Variants in TENM4 observed in about 807,000 individuals in gnomAD.
TENM4 encodes the protein teneurin transmembrane protein 4.
Under a neutral mutation model 243.3 loss-of-function variants are expected in TENM4, and 82 were observed. The observed-to-expected ratio is 0.34, with a 90% confidence interval of 0.28 to 0.40. The LOEUF is 0.40. TENM4 is among the 10% of genes least tolerant of loss of function. The pLI is 1.00. For missense variants in TENM4, 3,138 were observed against 3,673.3 expected (o/e 0.85, Z 3.77); for synonymous variants, 1,412 against 1,456.3 (o/e 0.97, Z 0.69).
chr11:79,425,966 G>A (rs1229181456), intron 1 of TENM4, among the ~76,000 whole-genome samples: 3 of 152,198 alleles, frequency 2.0e-5, no homozygotes, highest in South Asian at 2.1e-4. Context: ...ACACACCTGT[G>A]CACAAACATG....
At chr11:78,909,035 A>C (rs1170673490) in intron 6 of TENM4, among the ~76,000 whole-genome samples, 1 of 152,218 alleles carries the variant, frequency 6.6e-6, no homozygotes, top group African/African-American at 2.4e-5. Flanking sequence ...ATTCACCTCT[A>C]TGAGCCTCTA....
chr11:78,725,033 C>T (rs672378), intron 23 of TENM4, among the ~76,000 whole-genome samples: 16,929 of 152,194 alleles, frequency 0.11, 1,028 homozygotes, highest in African/African-American at 0.16. Context: ...ACTTTATTTC[C>T]AATTCAGTTA....
chr11:78,902,276 C>T (rs1415681236), intron 7 of TENM4, among the ~76,000 whole-genome samples: 4 of 152,154 alleles, frequency 2.6e-5, no homozygotes, highest in Non-Finnish European at 4.4e-5. Context: ...TCATAGTTTT[C>T]TGCATTTTCT....
intron 12 of TENM4, among the ~76,000 whole-genome samples, chr11:78,822,909 T>G (rs1419165485): frequency 1.3e-5 from 2 of 152,222 alleles, no homozygotes; most frequent in Non-Finnish European, 2.9e-5. Flanking sequence ...CTACCTTAAC[T>G]TTTTAACCCT....
chr11:79,399,603 C>T (rs1441669097), intron 1 of TENM4, among the ~76,000 whole-genome samples: 1 of 152,146 alleles, frequency 6.6e-6, no homozygotes, highest in South Asian at 2.1e-4. Flanking sequence ...TAACAGGCAT[C>T]GAGTCTTGCT....
At chr11:79,045,231 G>A (rs1472637669) in intron 6 of TENM4, among the ~76,000 whole-genome samples, 13 of 152,254 alleles carry the variant, frequency 8.5e-5, no homozygotes, top group South Asian at 2.1e-4. Context: ...TGTCCACTGC[G>A]TGCTCCTCTC....
Position 78,658,799 on chromosome 11 carries a change from C to A in TENM4, c.7569G>T (p.Gln2523His), listed in dbSNP as rs755744059. ...CCTTGAGCTGCTTCTGTACTTCACA[C>A]TGTACCCCGAGGATAGACTGATGGG... The part of the protein sequence containing the change: ...WDNSKSILGV[Q>H]CEVQKQLKAF... Residue 2523 changes from glutamine to histidine, a missense_variant, in exon 34 of 34, where the codon CAG (glutamine) becomes CAT (histidine). This residue lies in a region of TENM4 where 2,467 missense variants were observed against 3,059.1 expected (regional missense o/e 0.81). Transcript: ENST00000278550. The A allele has an allele frequency of 1.9e-6, 3 of 1,612,750 alleles. No individual in the cohort carries two copies. The highest frequency in any genetic ancestry group is 2.5e-6 in the Non-Finnish European group (3 of 1,179,148).
At chr11:79,381,674 G>A (rs1281786024) in intron 1 of TENM4, among the ~76,000 whole-genome samples, 4 of 151,336 alleles carry the variant, frequency 2.6e-5, no homozygotes, top group Non-Finnish European at 4.4e-5. Context: ...TGTGATATCC[G>A]ACGTTCACTT....
chr11:78,692,010 T>C (rs1306602965), intron 28 of TENM4, among the ~76,000 whole-genome samples: 1 of 152,252 alleles, frequency 6.6e-6, no homozygotes, highest in African/African-American at 2.4e-5. Flanking sequence ...GAGCCACCTC[T>C]ACAGAACCCT....
At chr11:78,868,258 A>G (rs1404360260) in intron 9 of TENM4, among the ~76,000 whole-genome samples, 5 of 152,156 alleles carry the variant, frequency 3.3e-5, no homozygotes, top group Non-Finnish European at 5.9e-5. Flanking sequence ...TGCAGTGTGT[A>G]TTTATAACTG....
rs564486970 is a variant in TENM4, at chr11:79,010,237, G to C, written c.493+54501C>G. ...GCTACCTTTACATGATACTTTTCATGTGCCAAGCACTAGGACATGGAATTA... is the reference window on the plus strand; with the variant it reads ...GCTACCTTTACATGATACTTTTCATCTGCCAAGCACTAGGACATGGAATTA... On this transcript the variant is annotated intron_variant, in intron 6 of 33. Coordinates refer to ENST00000278550, the MANE Select transcript of TENM4 (RefSeq NM_001098816.3). 2.0e-5 allele frequency among the ~76,000 whole-genome samples: 3 copies of C among 152,194 alleles called. No homozygotes were observed. The South Asian group carries it at 6.2e-4, about 32-fold the overall frequency.
At chr11:79,060,650 G>A (rs1319255318) in intron 6 of TENM4, among the ~76,000 whole-genome samples, 2 of 152,188 alleles carry the variant, frequency 1.3e-5, no homozygotes, top group Non-Finnish European at 2.9e-5. Flanking sequence ...TCAAATGGAG[G>A]CAGGCAAAGG....
At chr11:78,998,543 C>T (rs184661613) in intron 6 of TENM4, among the ~76,000 whole-genome samples, 323 of 151,998 alleles carry the variant, frequency 2.1e-3, no homozygotes, top group African/African-American at 6.8e-3. Context: ...TAATGATCTC[C>T]GAAGTGATTA....
At chr11:79,051,669 CT>C (rs950101871) in intron 6 of TENM4, among the ~76,000 whole-genome samples, 4 of 152,124 alleles carry the variant, frequency 2.6e-5, no homozygotes, top group African/African-American at 9.7e-5. Flanking sequence ...TGTTTTTCTT[CT>C]TCAACTTTTA....
chr11:79,405,066 A>T (rs981019801), intron 1 of TENM4, among the ~76,000 whole-genome samples: 3 of 152,154 alleles, frequency 2.0e-5, no homozygotes, highest in African/African-American at 7.2e-5. Context: ...GGCAGAGGGG[A>T]GGAACTTCAG....
chr11:79,142,807 A>G (rs1372804013), intron 4 of TENM4, among the ~76,000 whole-genome samples: 1 of 152,130 alleles, frequency 6.6e-6, no homozygotes, highest in Non-Finnish European at 1.5e-5. Context: ...GGAACAGAAT[A>G]GAGAACTCAG....
At chr11:79,066,049 C>A (rs894930356) in intron 5 of TENM4, among the ~76,000 whole-genome samples, 4 of 152,144 alleles carry the variant, frequency 2.6e-5, no homozygotes, top group African/African-American at 9.7e-5. Flanking sequence ...ACATTTAAAC[C>A]AATTCATGCC....
chr11:78,883,488 A>G (rs752361673), intron 9 of TENM4, among the ~76,000 whole-genome samples: 4 of 152,222 alleles, frequency 2.6e-5, no homozygotes, highest in South Asian at 4.1e-4. Flanking sequence ...ACTGCCCTGC[A>G]GGGCAGACCT....
intron 1 of TENM4, among the ~76,000 whole-genome samples, chr11:79,367,387 C>T (rs1249143888): frequency 1.3e-5 from 2 of 152,186 alleles, no homozygotes; most frequent in East Asian, 1.9e-4. Flanking sequence ...TTTTATTTCT[C>T]TCTCTTCTTC....
Sources: gnomAD v4.1 joint callset for allele counts (sites outside exome capture counted in the v4.1 genomes callset) on GRCh38, gnomAD v4.1.1 for gene constraint, gnomAD v4.1.1 regional missense constraint, MANE v1.5 for transcripts, NCBI Gene and HGNC (gene_info 2026-07-23, HGNC 2026-07-21) for gene names.